MAN1A1: variants seen among roughly 807,000 people sequenced by gnomAD.
MAN1A1 encodes the protein mannosidase alpha class 1A member 1.
A neutral mutation model predicts 70.8 loss-of-function variants in MAN1A1; 29 were observed. The observed-to-expected ratio is 0.41, with a 90% CI of 0.31 to 0.56. The LOEUF is 0.56. MAN1A1 is among the 20% of genes least tolerant of loss of function. MAN1A1 has a pLI of 0.29. For missense variants in MAN1A1, 747 were observed against 841.3 expected (o/e 0.89, Z 1.39); for synonymous variants, 349 against 330.1 (o/e 1.06, Z -0.62).
At chr6:119,310,425 G>A (rs1434149213) in intron 2 of MAN1A1, among the ~76,000 whole-genome samples, 2 of 152,158 alleles carry the variant, frequency 1.3e-5, no homozygotes, top group Admixed American at 1.3e-4. Flanking sequence ...CTCCTTCTAT[G>A]GGTTCTTACA....
At chr6:119,191,924 T>C (rs57980534) in intron 9 of MAN1A1, among the ~76,000 whole-genome samples, 2 of 152,192 alleles carry the variant, frequency 1.3e-5, no homozygotes, top group African/African-American at 4.8e-5. Context: ...TATAAGACAA[T>C]GCTACTTCTC....
At chr6:119,187,860 G>A (rs562336124) in intron 11 of MAN1A1, among the ~76,000 whole-genome samples, 1 of 152,338 alleles carries the variant, frequency 6.6e-6, no homozygotes, top group East Asian at 1.9e-4. Context: ...CCCAAGAGGT[G>A]ACAGACAAAA....
chr6:119,333,387 C>T (rs986141274), intron 2 of MAN1A1, among the ~76,000 whole-genome samples: 1 of 152,116 alleles, frequency 6.6e-6, no homozygotes, highest in Non-Finnish European at 1.5e-5. Flanking sequence ...TTCCCTGCTG[C>T]CAATCATAGT....
chr6:119,309,805 T>C (rs1772651697), intron 2 of MAN1A1, among the ~76,000 whole-genome samples: 2 of 152,194 alleles, frequency 1.3e-5, no homozygotes, highest in Admixed American at 1.3e-4. Context: ...AAATATTAAA[T>C]TGGGTATAAG....
chr6:119,234,373 T>TGTATA (rs1562203916), intron 6 of MAN1A1, among the ~76,000 whole-genome samples: 23 of 152,250 alleles, frequency 1.5e-4, no homozygotes, highest in Admixed American at 3.3e-4. Flanking sequence ...AGAATTGTGT[T>TGTATA]TGTATATGTG....
At chr6:119,180,255 C>A in intron 12 of MAN1A1, 57 bp downstream of exon 12, 1 of 1,170,442 alleles carries the variant, frequency 8.5e-7, no homozygotes. Context: ...ATAAAGACAT[C>A]TACAAAGATC....
chr6:119,273,862 A>G (rs1582756366), intron 5 of MAN1A1, among the ~76,000 whole-genome samples: 1 of 152,204 alleles, frequency 6.6e-6, no homozygotes, highest in South Asian at 2.1e-4. Flanking sequence ...GAGTATTCAT[A>G]AAGTGGGTAA....
At chr6:119,266,264 G>C (rs1775751143) in intron 5 of MAN1A1, among the ~76,000 whole-genome samples, 1 of 152,126 alleles carries the variant, frequency 6.6e-6, no homozygotes, top group African/African-American at 2.4e-5. Context: ...AGTTTATGTG[G>C]AGAAGCAAAA....
At chr6:119,250,005 T>G (rs370098879) in intron 5 of MAN1A1, among the ~76,000 whole-genome samples, 68 of 152,234 alleles carry the variant, frequency 4.5e-4, no homozygotes, top group African/African-American at 1.5e-3. Context: ...GAGGTGCCAT[T>G]TTCTCCACAA....
In MAN1A1 at chr6:119,189,739, C is replaced by T. The variant is rs117089274; in HGVS notation, c.1471G>A (p.Glu491Lys). The change falls in exon 10 of 13, where the codon GAA becomes AAA. Residue 491 changes from glutamate to lysine, a missense_variant. This residue lies in a region of MAN1A1 where 419 missense variants were observed against 548.2 expected (regional missense o/e 0.76). Coordinates refer to ENST00000368468, the MANE Select transcript of MAN1A1 (RefSeq NM_005907.4). ...TCAAGGTAGTGTTGGGCCATGCCTT[C>T]GGGAGCTGCATCAGCCCCGAGTGCG... ...MFALGADAAP[E>K]GMAQHYLELG... The T allele has an allele frequency of 0.015, 23,648 of 1,614,042 alleles. 269 individuals carry two copies. Among genetic ancestry groups the T allele is most frequent in the Non-Finnish European group, 0.015 (18,044 of 1,179,994 alleles).
At chr6:119,203,677 CAAG>C (rs891427580) in intron 7 of MAN1A1, among the ~76,000 whole-genome samples, 8 of 151,972 alleles carry the variant, frequency 5.3e-5, no homozygotes, top group East Asian at 1.9e-4. Context: ...TGGGGTTTAC[CAAG>C]AAGAAGAACC....
At chr6:119,281,070 C>T (rs1294461809) in intron 5 of MAN1A1, among the ~76,000 whole-genome samples, 1 of 152,110 alleles carries the variant, frequency 6.6e-6, no homozygotes, top group Non-Finnish European at 1.5e-5. Flanking sequence ...ATCTGGAAGG[C>T]CGGGGAGAAG....
intron 6 of MAN1A1, among the ~76,000 whole-genome samples, chr6:119,213,072 C>T (rs144125012): frequency 6.6e-5 from 10 of 152,258 alleles, no homozygotes; most frequent in African/African-American, 2.4e-4. Flanking sequence ...AATTTTTAAG[C>T]TGCATGAGGT....
chr6:119,323,611 G>T (rs1374190780), intron 2 of MAN1A1, among the ~76,000 whole-genome samples: 2 of 152,130 alleles, frequency 1.3e-5, no homozygotes, highest in African/African-American at 4.8e-5. Flanking sequence ...ATGGGAATGT[G>T]CCCAGGTTCT....
intron 5 of MAN1A1, among the ~76,000 whole-genome samples, chr6:119,288,489 A>T (rs1242690483): frequency 6.6e-6 from 1 of 151,994 alleles, no homozygotes; most frequent in Non-Finnish European, 1.5e-5. Flanking sequence ...TATGAATACA[A>T]ATAGCTCAAG....
chr6:119,182,677 C>A (rs115813576), intron 11 of MAN1A1, among the ~76,000 whole-genome samples: 1 of 152,120 alleles, frequency 6.6e-6, no homozygotes, highest in Non-Finnish European at 1.5e-5. Context: ...ACAAAAATTG[C>A]CATCTGCAAT....
intron 2 of MAN1A1, among the ~76,000 whole-genome samples, chr6:119,317,611 C>A (rs1212833854): frequency 6.6e-6 from 1 of 151,958 alleles, no homozygotes; most frequent in Non-Finnish European, 1.5e-5. Flanking sequence ...GAATAATATT[C>A]CATTGTCTGG....
intron 6 of MAN1A1, among the ~76,000 whole-genome samples, chr6:119,246,750 A>G (rs1287523276): frequency 6.6e-5 from 10 of 152,178 alleles, no homozygotes; most frequent in Non-Finnish European, 8.8e-5. Context: ...AAAAGGTAAG[A>G]AAGAAGGTCT....
At chr6:119,283,759 A>G (rs1365081073) in intron 5 of MAN1A1, among the ~76,000 whole-genome samples, 1 of 152,122 alleles carries the variant, frequency 6.6e-6, no homozygotes, top group East Asian at 1.9e-4. Context: ...ACTGTTATGA[A>G]GGAAACCAGA....
Sources: allele counts gnomAD v4.1 joint callset (sites outside exome capture counted in the v4.1 genomes callset), GRCh38; gene constraint gnomAD v4.1.1; regional missense constraint gnomAD v4.1.1; transcripts MANE v1.5; gene names NCBI Gene and HGNC (gene_info 2026-07-23, HGNC 2026-07-21).